Variants in DSPP observed in about 807,000 individuals in gnomAD.
DSPP encodes deafness, autosomal dominant 39.
In DSPP, 28 loss-of-function variants were observed where a neutral mutation model predicts 29.1. That is an observed-to-expected ratio of 0.96 (90% CI 0.71 to 1.32). The LOEUF is 1.32. Among genes scored for constraint, DSPP ranks in the 40% most tolerant of loss-of-function variants. DSPP has a pLI of 0.00. For synonymous variants in DSPP, 481 were observed against 503.4 expected, an observed-to-expected ratio of 0.96 and a Z score of 0.60; for missense variants, 1,281 against 1,629.9, an observed-to-expected ratio of 0.79 and a Z score of 3.69.
Position 87,612,977 on chromosome 4 carries a change from A to G in DSPP, c.791A>G (p.Asp264Gly). 6.2e-7 allele frequency: 1 copy of G among 1,614,182 alleles called. No individual in the cohort carries two copies. The highest frequency in any genetic ancestry group is 8.5e-7 in the Non-Finnish European group (1 of 1,180,030). ...DEDEGSGDDE[D>G]EEAGNGKDSS... The stretch of plus-strand genomic sequence containing the variant: ...GACGAGGGTTCTGGTGATGATGAAG[A>G]TGAAGAAGCAGGGAATGGAAAAGAC... The change falls in exon 4 of 5, where the codon GAT becomes GGT. Residue 264 changes from aspartate (D) to glycine (G), a missense_variant. Around this residue, in one of 4 missense-constraint regions of DSPP, gnomAD observed 631 missense variants for 643.2 expected, o/e 0.98. Transcript: ENST00000651931.
At position 87,614,679 on chromosome 4, in the gene DSPP, G is replaced by A. The variant is rs200378069; in HGVS notation, c.2017G>A (p.Asp673Asn). ...CAGCAGTGATAGTAGTGACAGCAGT[G>A]ATAGCAGTGACAGCAGCAGTAGCAG... Reference protein sequence around the residue: ...SNSSDSSDSSDSSDSSSSSDS... With the variant: ...SNSSDSSDSSNSSDSSSSSDS... The change falls in exon 5 of 5, where the codon GAT becomes AAT. Residue 673 changes from aspartate (D) to asparagine (N), a missense_variant. Around this residue, in one of 4 missense-constraint regions of DSPP, gnomAD observed 444 missense variants for 611.4 expected, o/e 0.73. Coordinates refer to ENST00000651931, the MANE Select transcript of DSPP (RefSeq NM_014208.3). The A allele has an allele frequency of 2.4e-5, 28 of 1,147,654 alleles. No homozygotes were observed. The highest frequency in any genetic ancestry group is 1.8e-4 in the South Asian group (12 of 67,654). 71.1% of individuals were successfully genotyped at this position (1,147,654 alleles called of 1,614,324 possible).
chr4:87,613,711 A>T (rs1023967013), intron 4 of DSPP, 74 bp from the exon 5 acceptor site: 38 of 1,603,960 alleles, frequency 2.4e-5, no homozygotes, highest in Non-Finnish European at 2.8e-5. Context: ...TTTCCCAGTT[A>T]TTCTTCCTCA....
Position 87,615,023 on chromosome 4 carries a change from C to T in DSPP, c.2361C>T (p.Asp787=). Residue 787 remains aspartate, a synonymous_variant, in exon 5 of 5, where the codon GAC becomes GAT. Coordinates refer to ENST00000651931, the MANE Select transcript of DSPP (RefSeq NM_014208.3). The part of the protein sequence containing the change: ...SDSSNSSDSN[D]SSNSSDSSDS... ...GCAGCAACAGCAGTGATAGCAACGA[C>T]AGCAGCAATAGCAGTGACAGCAGTG... is the stretch of plus-strand genomic sequence containing the variant. 6.5e-7 allele frequency: 1 copy of T among 1,550,152 alleles called. No homozygotes were observed. The highest frequency in any genetic ancestry group is 1.2e-5 in the South Asian group (1 of 83,986).
At position 87,613,263 on chromosome 4, in the gene DSPP, C is replaced by A; in HGVS notation, c.1077C>A (p.Ile359=). 1 of 1,613,744 alleles carries A rather than the reference C, an allele frequency of 6.2e-7. No homozygotes were observed. Among genetic ancestry groups the A allele is most frequent in the African/African-American group, 1.3e-5 (1 of 75,042 alleles). ...HRESKRVENR[I]TKESETHAVG... ...AAAGCAAACGCGTAGAAAATAGAAT[C>A]ACCAAAGAATCAGAGACACATGCTG... The change falls in exon 4 of 5, where the codon ATC becomes ATA. Residue 359 remains isoleucine, a synonymous_variant. Coordinates refer to ENST00000651931, the MANE Select transcript of DSPP (RefSeq NM_014208.3).
Position 87,616,397 on chromosome 4 carries a change from C to G in DSPP, c.3735C>G (p.Asp1245Glu). The G allele has an allele frequency of 1.3e-6, 2 of 1,502,170 alleles. No individual in the cohort carries two copies. Among genetic ancestry groups the G allele is most frequent in the Middle Eastern group, 1.7e-4 (1 of 5,936 alleles). The allele number at this position is 1,502,170 out of a possible 1,614,324, so 93.1% of individuals were successfully genotyped here. A position where few individuals can be genotyped will look rare whatever the true frequency, so the allele number is the denominator to read the frequency against. The change falls in exon 5 of 5, where the codon GAC becomes GAG. Residue 1245 changes from aspartate (D) to glutamate (E), a missense_variant. Physicochemically the swap from Asp to Glu is conservative, Grantham distance 45. Coordinates refer to ENST00000651931, the MANE Select transcript of DSPP (RefSeq NM_014208.3). ...SDSSDSSDSS[D>E]SSNSSDSSDS... is the part of the protein sequence containing the mutation. ...GCAGTGACAGCAGCGATAGCAGTGA[C>G]AGCAGCAACAGCAGTGACAGCAGCG...
In DSPP at chr4:87,616,323, G is replaced by T. The variant is rs747882961; in HGVS notation, c.3661G>T (p.Asp1221Tyr). Reference protein sequence around the residue: ...SDSSDSSDSSDSSDSSDSSDS... With the variant: ...SDSSDSSDSSYSSDSSDSSDS... ...CAGCAGCGACAGCAGTGACAGCAGC[G>T]ACAGCAGTGACAGCAGCGACAGCAG... The change falls in exon 5 of 5, where the codon GAC becomes TAC. Residue 1221 changes from aspartate (D) to tyrosine (Y), a missense_variant. Coordinates refer to ENST00000651931, the MANE Select transcript of DSPP (RefSeq NM_014208.3). The T allele has an allele frequency of 2.0e-6, 3 of 1,514,890 alleles. No homozygotes were observed. The highest frequency in any genetic ancestry group is 2.5e-5 in the South Asian group (2 of 81,396). 93.8% of individuals were successfully genotyped at this position (1,514,890 alleles called of 1,614,324 possible).
At chr4:87,609,040 C>CT (rs1727686769) in intron 1 of DSPP, among the ~76,000 whole-genome samples, 1 of 152,196 alleles carries the variant, frequency 6.6e-6, no homozygotes, top group Admixed American at 6.5e-5. Context: ...TGAAATTTAG[C>CT]AATCACTAAT....
At position 87,613,182 on chromosome 4, in the gene DSPP, T is replaced by A; in HGVS notation, c.996T>A (p.Ile332=). ...AGAGTGAGGAGAATTCTGCTGGTAT[T>A]CCAGAAGACAATGGCAGCCAAAGAA... The part of the protein sequence containing the change: ...TSKSEENSAG[I]PEDNGSQRIE... Residue 332 remains isoleucine (I), a synonymous_variant, in exon 4 of 5, where the codon ATT becomes ATA. Transcript: ENST00000651931. 6.2e-7 allele frequency: 1 copy of A among 1,614,036 alleles called. No individual in the cohort carries two copies. The highest frequency in any genetic ancestry group is 8.5e-7 in the Non-Finnish European group (1 of 1,180,016).
At chr4:87,612,066 T>A (rs754444224) in intron 2 of DSPP, 39 bp from the exon 3 acceptor site, 8 of 1,584,104 alleles carry the variant, frequency 5.1e-6, no homozygotes. Context: ...TATTCACAAA[T>A]AAGAACCTTT....
Position 87,614,762 on chromosome 4 carries a change from G to A in DSPP, c.2100G>A (p.Glu700=), listed in dbSNP as rs971526373. Residue 700 remains glutamate (E), a synonymous_variant, in exon 5 of 5, where the codon GAG becomes GAA. Coordinates refer to ENST00000651931, the MANE Select transcript of DSPP (RefSeq NM_014208.3). ...SDSSDSSNSS[E]SSDSSDSSDS... ...GTAGTGACAGCAGCAATAGCAGTGAGAGCAGTGATAGTAGTGACAGCAGTG... is the reference window on the plus strand; with the variant it reads ...GTAGTGACAGCAGCAATAGCAGTGAAAGCAGTGATAGTAGTGACAGCAGTG... 5.8e-6 allele frequency: 9 copies of A among 1,540,594 alleles called. No individual in the cohort carries two copies. The highest frequency in any genetic ancestry group is 2.0e-5 in the Admixed American group (1 of 50,126).
intron 2 of DSPP, 65 bp from the exon 3 acceptor site, chr4:87,612,040 T>A: frequency 8.4e-7 from 1 of 1,197,494 alleles, no homozygotes; most frequent in Non-Finnish European, 1.2e-6. Context: ...TGTGTGTGTG[T>A]GCACGCTCAC....
chr4:87,616,379 C>A lies in DSPP; in HGVS notation c.3717C>A (p.Asp1239Glu), dbSNP rs1213931156. ...GCAATGAAAGCAGCGACAGCAGTGA[C>A]AGCAGCGATAGCAGTGACAGCAGCA... ...SDSNESSDSSDSSDSSDSSNS... is the reference protein window; with the variant it reads ...SDSNESSDSSESSDSSDSSNS... The change falls in exon 5 of 5, where the codon GAC becomes GAA. Residue 1239 changes from aspartate to glutamate, a missense_variant. By Grantham distance (45) the Asp-to-Glu change is conservative (BLOSUM62 2). This residue lies in a region of DSPP where 134 missense variants were observed against 185.0 expected (regional missense o/e 0.72). Coordinates refer to ENST00000651931, the MANE Select transcript of DSPP (RefSeq NM_014208.3). 1.1e-5 allele frequency: 17 copies of A among 1,521,066 alleles called. No homozygotes were observed. The highest frequency in any genetic ancestry group is 1.4e-5 in the Non-Finnish European group (16 of 1,126,272). 94.2% of individuals were successfully genotyped at this position (1,521,066 alleles called of 1,614,324 possible).
rs890609275 is a variant in DSPP at position 87,613,007 on chromosome 4, G to A, written c.821G>A (p.Ser274Asn). 1.1e-5 allele frequency: 18 copies of A among 1,614,176 alleles called. No individual in the cohort carries two copies. Among genetic ancestry groups the A allele is most frequent in the Admixed American group, 1.7e-5 (1 of 60,018 alleles). Residue 274 changes from serine to asparagine, a missense_variant, in exon 4 of 5, where the codon AGT becomes AAT. By Grantham distance (46) the Ser-to-Asn change is conservative (BLOSUM62 1). Transcript: ENST00000651931. ...DEEAGNGKDS[S>N]NNSKGQEGQD... Reference sequence around the variant, plus strand: ...GAAGCAGGGAATGGAAAAGACAGTAGTAATAACAGCAAGGGCCAGGAGGGC... The same window carrying A: ...GAAGCAGGGAATGGAAAAGACAGTAATAATAACAGCAAGGGCCAGGAGGGC...
rs1553904020 is a variant in DSPP at position 87,612,935 on chromosome 4, G to C, written c.749G>C (p.Gly250Ala). ...TCCGATGGGAGTCCTAGTGGGAATG[G>C]AGCAGATGAGGATGAAGACGAGGGT... ...DNSDGSPSGN[G>A]ADEDEDEGSG... Residue 250 changes from glycine (G) to alanine (A), a missense_variant, in exon 4 of 5, where the codon GGA becomes GCA. By Grantham distance (60) the Gly-to-Ala change is moderately conservative (BLOSUM62 0). Around this residue, in one of 4 missense-constraint regions of DSPP, gnomAD observed 631 missense variants for 643.2 expected, o/e 0.98. Coordinates refer to ENST00000651931, the MANE Select transcript of DSPP (RefSeq NM_014208.3). 1.2e-6 allele frequency: 2 copies of C among 1,614,188 alleles called. No homozygotes were observed.
Position 87,614,789 on chromosome 4 carries a change from T to C in DSPP, c.2127T>C (p.Asp709=). Residue 709 remains aspartate (D), a synonymous_variant, in exon 5 of 5, where the codon GAT becomes GAC. Coordinates refer to ENST00000651931, the MANE Select transcript of DSPP (RefSeq NM_014208.3). The part of the protein sequence containing the change: ...SESSDSSDSS[D]SDSSDSSDSS... ...GCAGTGATAGTAGTGACAGCAGTGA[T>C]AGTGACAGCAGTGATAGTAGTGACA... 1 of 1,548,702 alleles carries C rather than the reference T, an allele frequency of 6.5e-7. No individual in the cohort carries two copies. Among genetic ancestry groups the C allele is most frequent in the Non-Finnish European group, 8.7e-7 (1 of 1,146,156 alleles).
At chr4:87,609,046 C>T (rs1727686893) in intron 1 of DSPP, among the ~76,000 whole-genome samples, 1 of 152,212 alleles carries the variant, frequency 6.6e-6, no homozygotes, top group Non-Finnish European at 1.5e-5. Flanking sequence ...TTAGCAATCA[C>T]TAATGATGCC....
At position 87,615,471 on chromosome 4, in the gene DSPP, G is replaced by A. The variant is rs1727866942; in HGVS notation, c.2809G>A (p.Asp937Asn). Residue 937 changes from aspartate (D) to asparagine (N), a missense_variant, in exon 5 of 5, where the codon GAC (aspartate) becomes AAC (asparagine). Transcript: ENST00000651931. ...TAGTAGTGACAACAGCAATAGCAGT[G>A]ACAGCAGCAACAGCAGTGACAGCAG... The part of the protein sequence containing the change: ...SNSSDNSNSS[D>N]SSNSSDSSDS... 1.3e-6 allele frequency: 2 copies of A among 1,550,302 alleles called. No homozygotes were observed. The highest frequency in any genetic ancestry group is 2.8e-5 in the African/African-American group (2 of 72,372).
chr4:87,611,197 A>C (rs546568552), intron 2 of DSPP, among the ~76,000 whole-genome samples: 6 of 152,116 alleles, frequency 3.9e-5, no homozygotes, highest in Non-Finnish European at 7.3e-5. Flanking sequence ...AACCACTCCA[A>C]TTCATCGTCT....
In DSPP at chr4:87,615,431, C is replaced by T. The variant is rs1444992938; in HGVS notation, c.2769C>T (p.Ser923=). 3 of 1,536,204 alleles carry T rather than the reference C, an allele frequency of 2.0e-6. No homozygotes were observed. In the East Asian group the frequency reaches 7.5e-5, roughly 38 times the overall value. ...GTGATAGCAGCAACAGCAGTGATAG[C>T]AGTGAAAGCAGTAATAGTAGTGACA... ...DSSDSSNSSD[S]SESSNSSDNS... Residue 923 remains serine, a synonymous_variant, in exon 5 of 5, where the codon AGC becomes AGT. Coordinates refer to ENST00000651931, the MANE Select transcript of DSPP (RefSeq NM_014208.3).
Sources: gnomAD v4.1 joint callset for allele counts (sites outside exome capture counted in the v4.1 genomes callset) on GRCh38, gnomAD v4.1.1 for gene constraint, gnomAD v4.1.1 regional missense constraint, MANE v1.5 for transcripts, NCBI Gene and HGNC (gene_info 2026-07-23, HGNC 2026-07-21) for gene names.